Variants in NPAS3 observed in about 807,000 individuals in gnomAD.
NPAS3 encodes neuronal PAS domain protein 3.
A neutral mutation model predicts 73.1 loss-of-function variants in NPAS3; 14 were observed. That is an observed-to-expected ratio of 0.19 (90% CI 0.13 to 0.30). The LOEUF (loss-of-function observed/expected upper bound fraction) is 0.30, where lower values mean the gene tolerates loss of function less well. NPAS3 is among the 10% of genes least tolerant of loss of function. The pLI is 1.00. For missense variants in NPAS3, 1,096 were observed against 1,250.0 expected (o/e 0.88, Z 1.86); for synonymous variants, 620 against 541.5 (o/e 1.14, Z -2.01).
chr14:33,688,006 A>G (rs1566426433), intron 6 of NPAS3, among the ~76,000 whole-genome samples: 1 of 152,244 alleles, frequency 6.6e-6, no homozygotes, highest in Non-Finnish European at 1.5e-5. Context: ...TAAAATGCAC[A>G]GCTGATGTAA....
chr14:33,270,526 A>G (rs888667721), intron 3 of NPAS3, among the ~76,000 whole-genome samples: 1 of 152,104 alleles, frequency 6.6e-6, no homozygotes, highest in Admixed American at 6.5e-5. Flanking sequence ...AGAGAGCATT[A>G]AGTGGAAAAG....
chr14:33,537,093 T>C (rs2054290394), intron 4 of NPAS3, among the ~76,000 whole-genome samples: 1 of 152,190 alleles, frequency 6.6e-6, no homozygotes, highest in African/African-American at 2.4e-5. Flanking sequence ...CTGACAGGAA[T>C]GGTAAGTCAA....
downstream of NPAS3, chr14:33,801,114 C>T: frequency 3.2e-6 from 5 of 1,573,272 alleles, no homozygotes; most frequent in Non-Finnish European, 4.3e-6. Context: ...GACTGAGGCG[C>T]CGCCCGTCCT....
At chr14:33,057,850 T>C (rs1329894953) in intron 2 of NPAS3, among the ~76,000 whole-genome samples, 1 of 152,178 alleles carries the variant, frequency 6.6e-6, no homozygotes, top group African/African-American at 2.4e-5. Flanking sequence ...TTAATGGTGT[T>C]GTGTATTTTA....
chr14:33,012,493 A>G (rs955439574), intron 1 of NPAS3, among the ~76,000 whole-genome samples: 2 of 151,158 alleles, frequency 1.3e-5, no homozygotes. Flanking sequence ...CCCTATGAGA[A>G]TCTTCAAATT....
intron 3 of NPAS3, among the ~76,000 whole-genome samples, chr14:33,315,967 G>A (rs762865945): frequency 2.6e-5 from 4 of 152,020 alleles, no homozygotes; most frequent in Non-Finnish European, 5.9e-5. Flanking sequence ...TGGTTTATTC[G>A]TTTATAACTC....
intron 1 of NPAS3, among the ~76,000 whole-genome samples, chr14:33,049,224 G>C (rs960169394): frequency 3.3e-5 from 5 of 152,180 alleles, no homozygotes; most frequent in Admixed American, 6.5e-5. Flanking sequence ...AACCCTTTAT[G>C]TTGTTCCAGA....
At chr14:33,652,335 C>T (rs1567090684) in intron 5 of NPAS3, among the ~76,000 whole-genome samples, 1 of 152,156 alleles carries the variant, frequency 6.6e-6, no homozygotes, top group South Asian at 2.1e-4. Flanking sequence ...TTGAAACCAG[C>T]GTTTCCATAT....
intron 5 of NPAS3, among the ~76,000 whole-genome samples, chr14:33,634,403 C>T (rs776346018): frequency 5.3e-5 from 8 of 152,144 alleles, no homozygotes; most frequent in Non-Finnish European, 1.2e-4. Flanking sequence ...CAGTGAACTG[C>T]TCCAAGTGAC....
intron 2 of NPAS3, among the ~76,000 whole-genome samples, chr14:33,198,372 G>C (rs2046465141): frequency 6.6e-6 from 1 of 152,074 alleles, no homozygotes; most frequent in Non-Finnish European, 1.5e-5. Context: ...ACAGAGAGCT[G>C]ATTGGTCCAT....
intron 4 of NPAS3, among the ~76,000 whole-genome samples, chr14:33,389,988 G>A (rs1051960248): frequency 6.6e-6 from 1 of 152,028 alleles, no homozygotes; most frequent in African/African-American, 2.4e-5. Flanking sequence ...TCAGCCGAAT[G>A]TTGTTCCATG....
In NPAS3 at chr14:33,194,974, C is replaced by T. The variant is rs75423337; in HGVS notation, c.141-20208C>T. Among the ~76,000 whole-genome samples, 1,238 of 152,148 alleles carry T rather than the reference C, an allele frequency of 8.1e-3. 16 individuals carry two copies. Among genetic ancestry groups the T allele is most frequent in the African/African-American group, 0.029 (1,186 of 41,504 alleles). ...AAAAACTAGTATAAATATGACTTAC[C>T]TTAGGAACAAATAGGAGTGTTGCAT... is the stretch of plus-strand genomic sequence containing the variant. On this transcript the variant is annotated intron_variant, in intron 2 of 11. Transcript: ENST00000356141.
chr14:33,027,618 G>A (rs574806429), intron 1 of NPAS3, among the ~76,000 whole-genome samples: 13 of 152,198 alleles, frequency 8.5e-5, no homozygotes, highest in Admixed American at 6.5e-4. Context: ...GCTCATTGAC[G>A]AGAGGTAATA....
intron 5 of NPAS3, among the ~76,000 whole-genome samples, chr14:33,629,188 T>C (rs2058307543): frequency 6.7e-6 from 1 of 150,204 alleles, no homozygotes; most frequent in South Asian, 2.1e-4. Context: ...TGAGGGGAGA[T>C]TGCGCCACTG....
intron 7 of NPAS3, among the ~76,000 whole-genome samples, chr14:33,752,375 G>A (rs1171719806): frequency 2.0e-5 from 3 of 152,050 alleles, no homozygotes; most frequent in Non-Finnish European, 4.4e-5. Context: ...AGCCATGCAA[G>A]AGCCATTTAA....
intron 3 of NPAS3, among the ~76,000 whole-genome samples, chr14:33,309,658 C>T (rs1225920546): frequency 6.6e-6 from 1 of 152,194 alleles, no homozygotes; most frequent in African/African-American, 2.4e-5. Context: ...GGGTGTACCA[C>T]TTTAAAGGAA....
chr14:33,624,353 T>C (rs2058163655), intron 5 of NPAS3, among the ~76,000 whole-genome samples: 1 of 152,224 alleles, frequency 6.6e-6, no homozygotes, highest in Non-Finnish European at 1.5e-5. Flanking sequence ...TTGTGTTGCA[T>C]TTGGTTTAGG....
At chr14:33,615,524 T>G (rs1049797514) in intron 5 of NPAS3, among the ~76,000 whole-genome samples, 1 of 152,130 alleles carries the variant, frequency 6.6e-6, no homozygotes, top group Non-Finnish European at 1.5e-5. Flanking sequence ...GTCACTTCAG[T>G]GTGTCAATCC....
intron 4 of NPAS3, among the ~76,000 whole-genome samples, chr14:33,406,845 GGAGGGCA>G (rs2047689162): frequency 6.6e-6 from 1 of 152,056 alleles, no homozygotes; most frequent in South Asian, 2.1e-4. Context: ...GATTGTGCTT[GGAGGGCA>G]GACCCTTCTA....
Sources: gnomAD v4.1 joint callset for allele counts (sites outside exome capture counted in the v4.1 genomes callset) on GRCh38, gnomAD v4.1.1 for gene constraint, MANE v1.5 for transcripts, NCBI Gene and HGNC (gene_info 2026-07-23, HGNC 2026-07-21) for gene names.